HPS3: variants seen among roughly 807,000 people sequenced by gnomAD.
The protein encoded by HPS3 is BLOC-2 complex member HPS3.
HPS3 carries 79 observed loss-of-function variants against 110.9 expected under a neutral mutation model. The observed-to-expected ratio is 0.71, with a 90% confidence interval of 0.59 to 0.86. The LOEUF (loss-of-function observed/expected upper bound fraction) is 0.86, where lower values mean the gene tolerates loss of function less well. HPS3 is among the 40% of genes least tolerant of loss of function. HPS3 has a pLI of 0.00. For missense variants in HPS3, 1,197 were observed against 1,206.2 expected (o/e 0.99, Z 0.11); for synonymous variants, 428 against 451.0 (o/e 0.95, Z 0.65).
intron 9 of HPS3, 89 bp from the exon 10 acceptor site, chr3:149,158,577 C>A: frequency 8.3e-7 from 1 of 1,199,050 alleles, no homozygotes; most frequent in Non-Finnish European, 1.2e-6. Flanking sequence ...CACTTGAGGT[C>A]AGGAGTTTGA....
chr3:149,144,452 T>G (rs1722669545), intron 4 of HPS3, among the ~76,000 whole-genome samples: 1 of 152,248 alleles, frequency 6.6e-6, no homozygotes, highest in Admixed American at 6.5e-5. Context: ...TTTCTCTAAT[T>G]GACTAAAAAA....
Position 149,140,091 on chromosome 3 carries a change from C to T in HPS3, c.305C>T (p.Ser102Phe). 6.2e-6 allele frequency: 10 copies of T among 1,613,150 alleles called. No homozygotes were observed. Among genetic ancestry groups the T allele is most frequent in the Non-Finnish European group, 8.5e-6 (10 of 1,179,618 alleles). Residue 102 changes from serine (S) to phenylalanine (F), a missense_variant, in exon 2 of 17, where the codon TCT becomes TTT. Physicochemically the swap from Ser to Phe is radical, Grantham distance 155. Coordinates refer to ENST00000296051, the MANE Select transcript of HPS3 (RefSeq NM_032383.5). ...TGGAGAAATAAAAGGACTGAAAACT[C>T]TCGTGTGTGTATCCGAATGATTGGG... is the stretch of plus-strand genomic sequence containing the variant. ...VNWRNKRTEN[S>F]RVCIRMIGHN...
intron 1 of HPS3, among the ~76,000 whole-genome samples, chr3:149,130,777 A>G (rs900247126): frequency 2.6e-5 from 4 of 151,950 alleles, no homozygotes; most frequent in African/African-American, 9.7e-5. Flanking sequence ...ACAAACAAAA[A>G]CAAACAGTTG....
intron 1 of HPS3, among the ~76,000 whole-genome samples, chr3:149,132,024 T>G (rs2085501): frequency 0.24 from 36,127 of 152,102 alleles, 4,497 homozygotes; most frequent in African/African-American, 0.31. Context: ...AGCAGCAGAA[T>G]AAAAGTTTAA....
chr3:149,161,508 C>CTTTT (rs1203449055), intron 11 of HPS3, among the ~76,000 whole-genome samples: 27 of 104,324 alleles, frequency 2.6e-4, no homozygotes, highest in Non-Finnish European at 3.4e-4. Flanking sequence ...CCCCCACACC[C>CTTTT]TTTTTTTTTT....
intron 16 of HPS3, among the ~76,000 whole-genome samples, chr3:149,168,777 G>A (rs1402217321): frequency 6.6e-6 from 1 of 152,160 alleles, no homozygotes; most frequent in Non-Finnish European, 1.5e-5. Context: ...GTTTTCAGAA[G>A]ATGGAAGTGT....
At chr3:149,141,220 A>ATTTTTTTTTTTT (rs1722427588) in intron 3 of HPS3, 32 bp downstream of exon 3, 1 of 1,372,230 alleles carries the variant, frequency 7.3e-7, no homozygotes. Context: ...TTTTACCAGC[A>ATTTTTTTTTTTT]TTTTATGTAT....
intron 14 of HPS3, among the ~76,000 whole-genome samples, chr3:149,165,396 T>C (rs1724312743): frequency 1.3e-5 from 2 of 152,170 alleles, no homozygotes; most frequent in Admixed American, 6.5e-5. Context: ...AAGGAAAATA[T>C]TTGCTATTAA....
intron 1 of HPS3, among the ~76,000 whole-genome samples, chr3:149,137,081 A>T (rs1466221678): frequency 1.9e-4 from 29 of 152,294 alleles, no homozygotes. Flanking sequence ...CTCATAAGGG[A>T]TTAATATCTA....
At chr3:149,154,149 T>C (rs1723300028) in intron 7 of HPS3, 1 of 155,518 alleles carries the variant, frequency 6.4e-6, no homozygotes, top group Admixed American at 6.4e-5. Context: ...CATCTCTTGT[T>C]ATTTATTAGG....
chr3:149,153,975 T>C, intron 7 of HPS3: 1 of 297,500 alleles, frequency 3.4e-6, no homozygotes, highest in South Asian at 4.5e-5. Flanking sequence ...CAGGACTTTT[T>C]ACTGTCTTTC....
intron 15 of HPS3, among the ~76,000 whole-genome samples, 160 bp from the exon 16 acceptor site, chr3:149,167,733 G>A (rs1391133365): frequency 6.6e-6 from 1 of 152,202 alleles, no homozygotes; most frequent in Non-Finnish European, 1.5e-5. Flanking sequence ...TAAGGCAGAA[G>A]ACTGGCTGCT....
chr3:149,131,842 G>T (rs754149584), intron 1 of HPS3, among the ~76,000 whole-genome samples: 1 of 152,160 alleles, frequency 6.6e-6, no homozygotes, highest in Non-Finnish European at 1.5e-5. Context: ...AAAAGTTCTT[G>T]AAATTAAGTG....
chr3:149,149,198 C>T (rs983717538), intron 5 of HPS3, among the ~76,000 whole-genome samples: 2 of 150,710 alleles, frequency 1.3e-5, no homozygotes, highest in African/African-American at 4.9e-5. Flanking sequence ...CTCCTGACCT[C>T]ATGATCCGCC....
Position 149,140,225 on chromosome 3 carries a change from G to A in HPS3, c.439G>A (p.Asp147Asn), listed in dbSNP as rs756254897. The change falls in exon 2 of 17, where the codon GAC (aspartate) becomes AAC (asparagine). Residue 147 changes from aspartate (D) to asparagine (N), a missense_variant. By Grantham distance (23) the Asp-to-Asn change is conservative. Transcript: ENST00000296051. ...CATTTCCTGTTGCCCTGTGAAAGGA[G>A]ACCTTCTCGTTGGCTGCACAAATAA... ...LCISCCPVKG[D>N]LLVGCTNKLV... is the part of the protein sequence containing the mutation. The A allele has an allele frequency of 2.5e-6, 4 of 1,614,178 alleles. No individual in the cohort carries two copies. Among genetic ancestry groups the A allele is most frequent in the Non-Finnish European group, 3.4e-6 (4 of 1,180,016 alleles).
intron 1 of HPS3, 86 bp downstream of exon 1, chr3:149,130,026 A>G: frequency 7.0e-6 from 9 of 1,290,942 alleles, no homozygotes; most frequent in Non-Finnish European, 9.7e-6. Flanking sequence ...CTGTAGCTCT[A>G]GCTAGGGATG....
intron 14 of HPS3, 127 bp downstream of exon 14, chr3:149,164,076 T>C: frequency 1.6e-6 from 1 of 614,514 alleles, no homozygotes; most frequent in Non-Finnish European, 2.9e-6. Context: ...AATCCATAGT[T>C]AGGCATACTC....
chr3:149,151,270 C>A (rs747947788), intron 6 of HPS3, among the ~76,000 whole-genome samples: 1 of 151,192 alleles, frequency 6.6e-6, no homozygotes, highest in Non-Finnish European at 1.5e-5. Context: ...TGGGCCCAAG[C>A]GATCTGCCTG....
At position 149,158,805 on chromosome 3, in the gene HPS3, A is replaced by G; in HGVS notation, c.1831A>G (p.Asn611Asp). ...CGAGAGAGGATTAATCTTTTACATT[A>G]ATCATTCACTTTATGAAAACCTGGA... ...KYERGLIFYI[N>D]HSLYENLDEE... Residue 611 changes from asparagine (N) to aspartate (D), a missense_variant, in exon 10 of 17, where the codon AAT becomes GAT. By Grantham distance (23) the Asn-to-Asp change is conservative. Coordinates refer to ENST00000296051, the MANE Select transcript of HPS3 (RefSeq NM_032383.5). 18 of 1,606,384 alleles carry G rather than the reference A, an allele frequency of 1.1e-5. No homozygotes were observed. The highest frequency in any genetic ancestry group is 1.5e-5 in the Non-Finnish European group (18 of 1,173,014).
Sources: gnomAD v4.1 joint callset for allele counts (sites outside exome capture counted in the v4.1 genomes callset) on GRCh38, gnomAD v4.1.1 for gene constraint, MANE v1.5 for transcripts, NCBI Gene and HGNC (gene_info 2026-07-23, HGNC 2026-07-21) for gene names.